MAST4: variants seen among roughly 807,000 people sequenced by gnomAD.
The protein encoded by MAST4 is microtubule-associated serine/threonine-protein kinase 4.
MAST4 carries 89 observed loss-of-function variants against 162.7 expected under a neutral mutation model. The ratio of observed to expected loss-of-function variants is 0.55; its 90% CI spans 0.46 to 0.65. The LOEUF (loss-of-function observed/expected upper bound fraction) is 0.65. Ranked by LOEUF, MAST4 falls within the 30% of genes least tolerant of loss-of-function variation. MAST4 has a pLI of 0.00. For synonymous variants in MAST4, 1,479 were observed against 1,361.1 expected (o/e 1.09, Z -1.91); for missense variants, 3,153 against 3,374.0 (o/e 0.93, Z 1.62).
At chr5:66,671,267 G>A (rs752158107) in intron 1 of MAST4, among the ~76,000 whole-genome samples, 40 of 152,142 alleles carry the variant, frequency 2.6e-4, no homozygotes, top group Non-Finnish European at 1.3e-4. Flanking sequence ...ACATTATCGA[G>A]GATGGAGACC....
At position 66,913,484 on chromosome 5, in the gene MAST4, ATC is replaced by A. The variant is rs1396567764; in HGVS notation, c.674+13503_674+13504del. On this transcript the variant is annotated intron_variant, in intron 4 of 28. Transcript: ENST00000403625. ...TATTAGAGTTGTTTTGCTAAGTAATATCCTATTGAATGACTGTGTCAGTTTCA... is the reference window on the plus strand; with the variant it reads ...TATTAGAGTTGTTTTGCTAAGTAATACTATTGAATGACTGTGTCAGTTTCA... Among the ~76,000 whole-genome samples, 455 of 152,326 alleles carry A rather than the reference ATC, an allele frequency of 3.0e-3. 1 individual carries two copies. Among genetic ancestry groups the A allele is most frequent in the African/African-American group, 0.01 (418 of 41,564 alleles).
At chr5:67,028,439 G>A (rs1754935522) in intron 4 of MAST4, among the ~76,000 whole-genome samples, 1 of 152,082 alleles carries the variant, frequency 6.6e-6, no homozygotes, top group Non-Finnish European at 1.5e-5. Context: ...TAGCAATGAG[G>A]GATTGAACTG....
intron 1 of MAST4, among the ~76,000 whole-genome samples, chr5:66,719,800 C>G (rs1751081948): frequency 6.6e-6 from 1 of 151,940 alleles, no homozygotes; most frequent in Non-Finnish European, 1.5e-5. Flanking sequence ...TGCAATTAAA[C>G]CAGACCTTTT....
chr5:66,795,224 C>T (rs981236704), intron 3 of MAST4, among the ~76,000 whole-genome samples: 1 of 152,190 alleles, frequency 6.6e-6, no homozygotes, highest in Non-Finnish European at 1.5e-5. Context: ...TATGAATTAA[C>T]ATTTCTCTAT....
intron 16 of MAST4, among the ~76,000 whole-genome samples, chr5:67,132,887 C>T (rs1225461390): frequency 3.9e-5 from 6 of 151,992 alleles, no homozygotes; most frequent in African/African-American, 1.4e-4. Flanking sequence ...TATTTCCATC[C>T]AGTAGCTTTT....
chr5:67,138,686 G>C (rs956351102), intron 19 of MAST4, among the ~76,000 whole-genome samples: 7 of 152,062 alleles, frequency 4.6e-5, no homozygotes, highest in African/African-American at 1.7e-4. Context: ...CACCCACCTC[G>C]GCCTCCCAAA....
intron 17 of MAST4, among the ~76,000 whole-genome samples, chr5:67,133,876 C>T (rs560917113): frequency 9.2e-5 from 14 of 152,212 alleles, no homozygotes; most frequent in South Asian, 6.2e-4. Context: ...ATTAGCAAGA[C>T]GAATGATCTA....
At chr5:66,601,107 G>A (rs770424189) in intron 1 of MAST4, among the ~76,000 whole-genome samples, 1 of 152,208 alleles carries the variant, frequency 6.6e-6, no homozygotes, top group Non-Finnish European at 1.5e-5. Flanking sequence ...GTGTACTAAT[G>A]CAGTAGATGA....
chr5:67,126,392 T>C (rs954502879), intron 14 of MAST4, among the ~76,000 whole-genome samples: 1 of 152,242 alleles, frequency 6.6e-6, no homozygotes, highest in Non-Finnish European at 1.5e-5. Context: ...TACATTTAAG[T>C]CTTTAATCCA....
At chr5:66,947,335 T>G (rs1255161821) in intron 4 of MAST4, among the ~76,000 whole-genome samples, 1 of 152,116 alleles carries the variant, frequency 6.6e-6, no homozygotes, top group Non-Finnish European at 1.5e-5. Context: ...GAATATGGTT[T>G]GTTTTCTTTT....
chr5:66,942,709 T>C (rs965201237), intron 4 of MAST4, among the ~76,000 whole-genome samples: 15 of 152,134 alleles, frequency 9.9e-5, no homozygotes, highest in Non-Finnish European at 1.5e-4. Flanking sequence ...AAAGTAGCCA[T>C]GATCGATGTC....
In MAST4 at chr5:66,703,090, G is replaced by A. The variant is rs574649321; in HGVS notation, c.364-56619G>A. 5.9e-5 allele frequency among the ~76,000 whole-genome samples: 9 copies of A among 152,242 alleles called. 1 individual carries two copies. In the South Asian group the frequency reaches 1.9e-3, roughly 32 times the overall value. ...TGTGGCTCCCCTCCCCTGACGAGGT[G>A]GCTGGCGTAGCACTGCTAGTGCATT... On this transcript the variant is annotated intron_variant, in intron 1 of 28. Coordinates refer to ENST00000403625, the MANE Select transcript of MAST4 (RefSeq NM_001164664.2).
intron 5 of MAST4, among the ~76,000 whole-genome samples, chr5:67,071,006 A>C (rs1415083733): frequency 6.6e-6 from 1 of 152,176 alleles, no homozygotes; most frequent in Non-Finnish European, 1.5e-5. Flanking sequence ...TAAACATCCC[A>C]CATCAGATAA....
intron 4 of MAST4, among the ~76,000 whole-genome samples, chr5:66,942,150 C>T (rs184731278): frequency 7.2e-5 from 11 of 152,156 alleles, no homozygotes; most frequent in African/African-American, 2.6e-4. Flanking sequence ...GATAGATTTG[C>T]TCTATGCAGG....
chr5:66,649,923 A>T (rs1298008185), intron 1 of MAST4, among the ~76,000 whole-genome samples: 1 of 151,090 alleles, frequency 6.6e-6, no homozygotes, highest in Admixed American at 6.6e-5. Context: ...ACATTTTATC[A>T]ATTTCTCAGT....
At chr5:67,039,958 ATT>A (rs968649786) in intron 4 of MAST4, among the ~76,000 whole-genome samples, 3 of 138,826 alleles carry the variant, frequency 2.2e-5, no homozygotes, top group African/African-American at 8.5e-5. Flanking sequence ...TTATTTTGAG[ATT>A]TTATATATAT....
In MAST4 at chr5:67,165,068, C is replaced by T. The variant is rs968795923; in HGVS notation, c.5889C>T (p.Pro1963=). The T allele has an allele frequency of 1.1e-5, 18 of 1,601,348 alleles. No individual in the cohort carries two copies. The highest frequency in any genetic ancestry group is 5.6e-5 in the South Asian group (5 of 89,426). Residue 1963 remains proline (P), a synonymous_variant, in exon 29 of 29, where the codon CCC becomes CCT. Transcript: ENST00000403625. ...PRCPLPPEAS[P]SREKPGLRES... ...GCCCGCTCCCACCTGAAGCTTCCCCCTCAAGGGAGAAGCCAGGCCTGAGGG... is the reference window on the plus strand; with the variant it reads ...GCCCGCTCCCACCTGAAGCTTCCCCTTCAAGGGAGAAGCCAGGCCTGAGGG...
rs57743987 is a variant in MAST4 at position 66,789,988 on chromosome 5, ATTTTTTTTTT to A, written c.642+1215_642+1224del. ...CTTTATGTTTAACATGCTTATTAGA[ATTTTTTTTTT>A]TTTTTTTTTTTTTTTTTTTTGCTGG... On this transcript the variant is annotated intron_variant, in intron 3 of 28. Transcript: ENST00000403625. Among the ~76,000 whole-genome samples the A allele has an allele frequency of 6.3e-3, 333 of 52,516 alleles. 1 individual carries two copies. Among genetic ancestry groups the A allele is most frequent in the African/African-American group, 0.037 (322 of 8,784 alleles). 34.5% of individuals were successfully genotyped at this position (52,516 alleles called of 152,430 possible). A position where few individuals can be genotyped will look rare whatever the true frequency, so the allele number is the denominator to read the frequency against.
At chr5:66,690,380 C>T (rs1748962103) in intron 1 of MAST4, among the ~76,000 whole-genome samples, 1 of 152,102 alleles carries the variant, frequency 6.6e-6, no homozygotes, top group African/African-American at 2.4e-5. Context: ...TTTAGAAACT[C>T]CACAACCCTT....
Sources: allele counts gnomAD v4.1 joint callset (sites outside exome capture counted in the v4.1 genomes callset), GRCh38; gene constraint gnomAD v4.1.1; transcripts MANE v1.5; gene names NCBI Gene and HGNC (gene_info 2026-07-23, HGNC 2026-07-21).